Variants in RAB38 observed in about 807,000 individuals in gnomAD.
RAB38 encodes ras-related protein Rab-38.
Under a neutral mutation model 18.4 loss-of-function variants are expected in RAB38, and 15 were observed. That is an observed-to-expected ratio of 0.82 (90% CI 0.55 to 1.26). RAB38 has a LOEUF of 1.26. RAB38 is among the 50% of genes most tolerant of loss of function. The pLI, the probability that RAB38 is intolerant of heterozygous loss-of-function variation, is 0.00. For missense variants in RAB38, 294 were observed against 267.4 expected (o/e 1.10, Z -0.69); for synonymous variants, 101 against 104.4 (o/e 0.97, Z 0.20).
the RAB38 span, among the ~76,000 whole-genome samples, chr11:87,938,751 T>C: frequency 6.6e-6 from 1 of 151,448 alleles, no homozygotes; most frequent in Non-Finnish European, 1.5e-5. Flanking sequence ...GATGGGTTCT[T>C]CAACTCCAAG....
chr11:87,967,980 G>A, the RAB38 span, among the ~76,000 whole-genome samples: 2 of 152,050 alleles, frequency 1.3e-5, no homozygotes, highest in African/African-American at 2.4e-5. Context: ...TTATTCTGAG[G>A]TTATTTGCTG....
chr11:87,971,739 GAAT>G, the RAB38 span, among the ~76,000 whole-genome samples: 1 of 152,036 alleles, frequency 6.6e-6, no homozygotes, highest in Non-Finnish European at 1.5e-5. Flanking sequence ...ATTGTTGGAA[GAAT>G]AAGCTTAAAT....
intron 1 of RAB38, among the ~76,000 whole-genome samples, chr11:88,153,735 T>G (rs1591173211): frequency 1.3e-5 from 2 of 152,384 alleles, no homozygotes; most frequent in East Asian, 3.9e-4. Context: ...TGTGTTGTTT[T>G]TGTGCAGAGA....
chr11:87,921,114 TA>T, the RAB38 span, among the ~76,000 whole-genome samples: 1 of 152,082 alleles, frequency 6.6e-6, no homozygotes, highest in Admixed American at 6.6e-5. Context: ...ATTCCTGTGA[TA>T]ATGGCATTAA....
downstream of RAB38, among the ~76,000 whole-genome samples, chr11:88,109,417 C>A (rs905220783): frequency 1.3e-5 from 2 of 152,030 alleles, no homozygotes; most frequent in African/African-American, 4.8e-5. Context: ...CCATAAAAAC[C>A]CTAGAAGAAA....
chr11:87,864,936 A>G, the RAB38 span, among the ~76,000 whole-genome samples: 4 of 151,834 alleles, frequency 2.6e-5, no homozygotes, highest in Admixed American at 2.6e-4. Flanking sequence ...TGTATTTGAA[A>G]GGTTAGATTT....
At chr11:88,086,848 C>A in the RAB38 span, among the ~76,000 whole-genome samples, 1 of 151,824 alleles carries the variant, frequency 6.6e-6, no homozygotes, top group Non-Finnish European at 1.5e-5. Context: ...TATTCTGGAG[C>A]AGATGTAAAA....
the RAB38 span, among the ~76,000 whole-genome samples, chr11:88,082,501 T>C: frequency 1.3e-4 from 20 of 151,768 alleles, no homozygotes; most frequent in Non-Finnish European, 2.7e-4. Flanking sequence ...AAATTTAACA[T>C]AGCTAAAACA....
At chr11:88,011,765 G>A in the RAB38 span, among the ~76,000 whole-genome samples, 1 of 152,044 alleles carries the variant, frequency 6.6e-6, no homozygotes, top group Non-Finnish European at 1.5e-5. Context: ...CATCCACAGG[G>A]TAGAAAATTA....
chr11:88,130,962 G>T (rs997107637), intron 2 of RAB38, among the ~76,000 whole-genome samples: 1 of 151,938 alleles, frequency 6.6e-6, no homozygotes, highest in Non-Finnish European at 1.5e-5. Context: ...CATCATTTTT[G>T]AAAATATGTG....
At chr11:88,009,352 G>A in the RAB38 span, among the ~76,000 whole-genome samples, 1 of 152,200 alleles carries the variant, frequency 6.6e-6, no homozygotes, top group South Asian at 2.1e-4. Context: ...GTTATTAGAA[G>A]ATATGCTTCT....
chr11:87,949,530 G>T, the RAB38 span, among the ~76,000 whole-genome samples: 4 of 152,114 alleles, frequency 2.6e-5, no homozygotes, highest in African/African-American at 7.2e-5. Context: ...GGCATTTAGT[G>T]CTATAAATAT....
chr11:88,099,571 A>G, the RAB38 span, among the ~76,000 whole-genome samples: 80 of 152,012 alleles, frequency 5.3e-4, no homozygotes, highest in African/African-American at 1.9e-3. Flanking sequence ...AGCATAGTTG[A>G]ATTAAAGCAC....
At chr11:87,966,102 A>G in the RAB38 span, among the ~76,000 whole-genome samples, 1 of 152,152 alleles carries the variant, frequency 6.6e-6, no homozygotes, top group Non-Finnish European at 1.5e-5. Flanking sequence ...AAGACAGAGG[A>G]TAGGGGCACT....
chr11:88,048,467 C>T, the RAB38 span, among the ~76,000 whole-genome samples: 3 of 152,174 alleles, frequency 2.0e-5, no homozygotes, highest in African/African-American at 7.2e-5. Context: ...TTTAAAGACA[C>T]ACCTCACCAA....
the RAB38 span, among the ~76,000 whole-genome samples, chr11:88,012,105 C>A: frequency 6.6e-6 from 1 of 152,130 alleles, no homozygotes; most frequent in Non-Finnish European, 1.5e-5. Flanking sequence ...CTGGTAGAGT[C>A]ACTTTTGCTC....
the RAB38 span, among the ~76,000 whole-genome samples, chr11:87,935,420 C>T: frequency 6.6e-6 from 1 of 152,028 alleles, no homozygotes; most frequent in Non-Finnish European, 1.5e-5. Flanking sequence ...CATTTCAGAC[C>T]ATGCCCTTCA....
At chr11:88,093,924 G>A in the RAB38 span, among the ~76,000 whole-genome samples, 2 of 151,746 alleles carry the variant, frequency 1.3e-5, no homozygotes, top group African/African-American at 4.8e-5. Context: ...TCTTCGAAAG[G>A]GCTCCTTGCT....
the RAB38 span, among the ~76,000 whole-genome samples, chr11:87,875,500 A>G: frequency 6.6e-6 from 1 of 151,520 alleles, no homozygotes; most frequent in Non-Finnish European, 1.5e-5. Context: ...TTAGGGTATC[A>G]ATTCACCCAA....
Sources: gnomAD v4.1 joint callset for allele counts (sites outside exome capture counted in the v4.1 genomes callset) on GRCh38, gnomAD v4.1.1 for gene constraint, MANE v1.5 for transcripts, NCBI Gene and HGNC (gene_info 2026-07-23, HGNC 2026-07-21) for gene names.